Variants in RBPJ observed in about 807,000 individuals in gnomAD.
The protein encoded by RBPJ is recombining binding protein suppressor of hairless.
RBPJ carries 9 observed loss-of-function variants against 67.8 expected under a neutral mutation model. That is an observed-to-expected ratio of 0.13 (90% confidence interval 0.08 to 0.23). The LOEUF (loss-of-function observed/expected upper bound fraction) is 0.23. Ranked by LOEUF, RBPJ falls within the 10% of genes least tolerant of loss-of-function variation. RBPJ has a pLI of 1.00. For synonymous variants in RBPJ, 198 were observed against 203.3 expected (o/e 0.97, Z 0.22); for missense variants, 305 against 595.6 (o/e 0.51, Z 5.08).
At chr4:26,185,518 T>C (rs1263847509) in intron 1 of RBPJ, among the ~76,000 whole-genome samples, 1 of 152,202 alleles carries the variant, frequency 6.6e-6, no homozygotes, top group Non-Finnish European at 1.5e-5. Flanking sequence ...AAAATAATTT[T>C]GGGGATGGTT....
At chr4:26,164,626 G>A (rs1230899791) in intron 1 of RBPJ, among the ~76,000 whole-genome samples, 2 of 152,246 alleles carry the variant, frequency 1.3e-5, no homozygotes, top group Non-Finnish European at 2.9e-5. Flanking sequence ...GTACTTGGAT[G>A]CAGTTGTGAT....
chr4:26,425,312 A>G (rs1336697550), intron 7 of RBPJ, among the ~76,000 whole-genome samples: 1 of 152,196 alleles, frequency 6.6e-6, no homozygotes, highest in Non-Finnish European at 1.5e-5. Flanking sequence ...TCGGCCACGC[A>G]TGGTGACTCA....
chr4:26,167,903 T>A (rs1716384576), intron 1 of RBPJ, among the ~76,000 whole-genome samples: 1 of 152,108 alleles, frequency 6.6e-6, no homozygotes, highest in African/African-American at 2.4e-5. Context: ...ACCCCTGCCT[T>A]TTTTTGTTTT....
intron 1 of RBPJ, among the ~76,000 whole-genome samples, chr4:26,345,328 G>A (rs1726018671): frequency 6.6e-6 from 1 of 152,204 alleles, no homozygotes; most frequent in Non-Finnish European, 1.5e-5. Context: ...TGTTGAGGCA[G>A]TTAAAATTTA....
chr4:26,334,589 C>T (rs763128521), intron 1 of RBPJ, among the ~76,000 whole-genome samples: 4 of 152,086 alleles, frequency 2.6e-5, no homozygotes, highest in Non-Finnish European at 4.4e-5. Context: ...GCTTAACGTC[C>T]GTTTCCTTTC....
chr4:26,317,138 C>T (rs891401636), upstream of RBPJ, among the ~76,000 whole-genome samples: 1 of 151,468 alleles, frequency 6.6e-6, no homozygotes, highest in African/African-American at 2.4e-5. Context: ...ATAGTAAACA[C>T]AACACACAAG....
At chr4:26,301,008 AT>A (rs1299692161) in intron 1 of RBPJ, among the ~76,000 whole-genome samples, 15 of 152,330 alleles carry the variant, frequency 9.8e-5, no homozygotes, top group South Asian at 2.1e-4. Flanking sequence ...TTCACAGTTA[AT>A]TTCTTAAGAA....
intron 1 of RBPJ, among the ~76,000 whole-genome samples, chr4:26,325,787 C>A (rs1340359912): frequency 6.6e-6 from 1 of 152,156 alleles, no homozygotes. Flanking sequence ...ATGAGCCCAG[C>A]AGTTTAATGC....
chr4:26,317,723 G>A (rs1044111044), upstream of RBPJ, among the ~76,000 whole-genome samples: 9 of 152,172 alleles, frequency 5.9e-5, no homozygotes, highest in African/African-American at 1.7e-4. Flanking sequence ...AGGATTTTCC[G>A]TCCAATTGTA....
At chr4:26,141,455 CG>C in the RBPJ span, among the ~76,000 whole-genome samples, 2 of 152,200 alleles carry the variant, frequency 1.3e-5, no homozygotes, top group Non-Finnish European at 2.9e-5. Context: ...AAGCCAGGCC[CG>C]GAACGCCCAG....
chr4:26,141,842 C>T, the RBPJ span, among the ~76,000 whole-genome samples: 14 of 152,222 alleles, frequency 9.2e-5, no homozygotes, highest in Admixed American at 9.2e-4. Flanking sequence ...TGCCATTCTA[C>T]TCTACTTCTA....
At chr4:26,210,307 A>C (rs776426058) in intron 1 of RBPJ, among the ~76,000 whole-genome samples, 8 of 152,266 alleles carry the variant, frequency 5.3e-5, no homozygotes, top group Non-Finnish European at 8.8e-5. Context: ...CTCTTCACTA[A>C]ACCTCTAGTT....
At chr4:26,231,919 T>C (rs1719301865) in intron 1 of RBPJ, among the ~76,000 whole-genome samples, 1 of 151,512 alleles carries the variant, frequency 6.6e-6, no homozygotes, top group African/African-American at 2.4e-5. Context: ...TTAGACAGAG[T>C]CTCACTCTGT....
intron 1 of RBPJ, among the ~76,000 whole-genome samples, chr4:26,291,336 T>C (rs1486769566): frequency 1.4e-5 from 2 of 147,378 alleles, no homozygotes; most frequent in Non-Finnish European, 3.0e-5. Flanking sequence ...TTTCATGGCA[T>C]AGAGAAAACT....
At chr4:26,129,901 T>A in the RBPJ span, among the ~76,000 whole-genome samples, 1 of 152,102 alleles carries the variant, frequency 6.6e-6, no homozygotes, top group African/African-American at 2.4e-5. Context: ...TCTCTCTGTC[T>A]CCCAGGCTGG....
At chr4:26,332,957 T>TA (rs1271357356) in intron 1 of RBPJ, among the ~76,000 whole-genome samples, 1 of 152,194 alleles carries the variant, frequency 6.6e-6, no homozygotes, top group Non-Finnish European at 1.5e-5. Context: ...CCTCAAAAGT[T>TA]ACTTAAGTAT....
intron 1 of RBPJ, among the ~76,000 whole-genome samples, chr4:26,186,090 A>AACT (rs1432011518): frequency 6.6e-6 from 1 of 151,864 alleles, no homozygotes; most frequent in African/African-American, 2.4e-5. Context: ...ACAGGAATGG[A>AACT]ACTACTACTG....
chr4:26,411,316 C>T (rs1445912038), intron 3 of RBPJ, among the ~76,000 whole-genome samples: 1 of 150,668 alleles, frequency 6.6e-6, no homozygotes, highest in Non-Finnish European at 1.5e-5. Context: ...ATTTGGTGGC[C>T]TTTTATTTTT....
rs1415563021 is a variant in RBPJ at position 26,210,709 on chromosome 4, TTCTTTCC to T, written c.-167+47097_-167+47103del. Among the ~76,000 whole-genome samples the T allele has an allele frequency of 2.1e-3, 234 of 111,788 alleles. 36 individuals carry two copies. Among genetic ancestry groups the T allele is most frequent in the East Asian group, 3.7e-3 (15 of 4,058 alleles). 73.3% of individuals were successfully genotyped at this position (111,788 alleles called of 152,430 possible). A position where few individuals can be genotyped will look rare whatever the true frequency, so the allele number is the denominator to read the frequency against. On this transcript the variant is annotated intron_variant, in intron 1 of 4. Coordinates refer to the RBPJ transcript ENST00000512351. ...TTCCTTTCTTTCTTTCTTTCTTTCC[TTCTTTCC>T]TTCTTTCTTTCCTTCTTTACTTCTT...
Sources: gnomAD v4.1 joint callset for allele counts (sites outside exome capture counted in the v4.1 genomes callset) on GRCh38, gnomAD v4.1.1 for gene constraint, MANE v1.5 for transcripts, NCBI Gene and HGNC (gene_info 2026-07-23, HGNC 2026-07-21) for gene names.